Variants in SLC28A1 observed in about 807,000 individuals in gnomAD.
The protein encoded by SLC28A1 is solute carrier family 28 member 1.
SLC28A1 carries 64 observed loss-of-function variants against 74.8 expected under a neutral mutation model. The ratio of observed to expected loss-of-function variants is 0.86; its 90% CI spans 0.70 to 1.05. The LOEUF is 1.05. Among genes scored for constraint, SLC28A1 ranks in the 50% least tolerant of loss-of-function variants. The probability of loss-of-function intolerance (pLI) is 0.00; values close to 1 mark genes in which losing one functional copy is unlikely to be tolerated. For synonymous variants in SLC28A1, 359 were observed against 335.0 expected (o/e 1.07, Z -0.78); for missense variants, 828 against 822.8 (o/e 1.01, Z -0.08).
the SLC28A1 span, among the ~76,000 whole-genome samples, chr15:84,965,412 T>A: frequency 1.3e-5 from 2 of 152,116 alleles, no homozygotes; most frequent in Non-Finnish European, 2.9e-5. Context: ...TGCAAGGCAG[T>A]TTTTTGGTGG....
chr15:84,928,602 CTTT>C (rs374994469), intron 12 of SLC28A1, among the ~76,000 whole-genome samples: 19 of 8,254 alleles, frequency 2.3e-3, no homozygotes, highest in Admixed American at 5.5e-3. Context: ...TTCTTTCTTT[CTTT>C]TCTTTCTTTC....
the SLC28A1 span, among the ~76,000 whole-genome samples, chr15:84,966,902 C>T: frequency 6.6e-6 from 1 of 152,040 alleles, no homozygotes; most frequent in Admixed American, 6.5e-5. Flanking sequence ...CTCTTGAGCA[C>T]CTGGGACTAC....
chr15:84,890,090 C>T (rs1965191311), intron 4 of SLC28A1, among the ~76,000 whole-genome samples: 1 of 151,470 alleles, frequency 6.6e-6, no homozygotes, highest in South Asian at 2.1e-4. Flanking sequence ...GCTCCTGGGC[C>T]TCCCAAAGTG....
intron 12 of SLC28A1, among the ~76,000 whole-genome samples, chr15:84,931,764 G>T (rs1491003926): frequency 6.6e-6 from 1 of 151,880 alleles, no homozygotes; most frequent in Non-Finnish European, 1.5e-5. Flanking sequence ...AGCACTTTGG[G>T]AGGCCCAGGT....
At chr15:84,967,025 C>T in the SLC28A1 span, among the ~76,000 whole-genome samples, 1 of 152,132 alleles carries the variant, frequency 6.6e-6, no homozygotes, top group Non-Finnish European at 1.5e-5. Flanking sequence ...AAGTGATCCT[C>T]CTGCCTCAGC....
At chr15:84,899,120 A>G (rs1332638574) in intron 6 of SLC28A1, among the ~76,000 whole-genome samples, 2 of 152,166 alleles carry the variant, frequency 1.3e-5, no homozygotes, top group Non-Finnish European at 2.9e-5. Flanking sequence ...CTGACAGGTG[A>G]ATAAACCTCA....
intron 18 of SLC28A1, 61 bp downstream of exon 18, chr15:84,944,928 G>A (rs1450568187): frequency 2.9e-5 from 37 of 1,278,190 alleles, no homozygotes; most frequent in South Asian, 5.9e-5. Context: ...ATGCCTGAGC[G>A]CTGGGGGGGA....
chr15:84,908,958 A>T (rs1469195017), intron 9 of SLC28A1, among the ~76,000 whole-genome samples, 163 bp downstream of exon 9: 1 of 152,152 alleles, frequency 6.6e-6, no homozygotes, highest in Non-Finnish European at 1.5e-5. Flanking sequence ...GGGGCCCGGG[A>T]GGAGCCCAGC....
rs370097368 is a variant in SLC28A1, at chr15:84,933,269, C to G, written c.1208C>G (p.Thr403Ser). The change falls in exon 13 of 19, where the codon ACC (threonine) becomes AGC (serine). Residue 403 changes from threonine (T) to serine (S), a missense_variant. Thr to Ser is a moderately conservative substitution (Grantham distance 58). This residue lies in a region of SLC28A1 where 767 missense variants were observed against 753.5 expected (regional missense o/e 1.02). Coordinates refer to ENST00000394573, the MANE Select transcript of SLC28A1 (RefSeq NM_004213.5). ...AGGAGGGAGGAAGGAGTGAAACTGA[C>G]CTATGGGTGAGCACAGCAGGAGGTC... ...KFRREEGVKLTYGDAQNLIEA... is the reference protein window; with the variant it reads ...KFRREEGVKLSYGDAQNLIEA... 2 of 1,613,010 alleles carry G rather than the reference C, an allele frequency of 1.2e-6. No homozygotes were observed. The highest frequency in any genetic ancestry group is 1.3e-5 in the African/African-American group (1 of 74,966).
the SLC28A1 span, among the ~76,000 whole-genome samples, chr15:84,962,556 G>C: frequency 6.6e-6 from 1 of 152,130 alleles, no homozygotes; most frequent in South Asian, 2.1e-4. Flanking sequence ...TTCCACCTCA[G>C]CCTCTGGAGT....
chr15:84,894,544 CAT>C (rs1965729739), intron 5 of SLC28A1, among the ~76,000 whole-genome samples: 1 of 152,174 alleles, frequency 6.6e-6, no homozygotes, highest in Non-Finnish European at 1.5e-5. Flanking sequence ...TCCGAGCACA[CAT>C]GTGTAAACTC....
rs74504234 is a variant in SLC28A1, at chr15:84,915,771, G to A, written c.796-2753G>A. ...TTTCCATCCTGCCTCTCTTCTGGCCGTCCTCCAGCCCTTGGCTATTTCTTT... is the reference window on the plus strand; with the variant it reads ...TTTCCATCCTGCCTCTCTTCTGGCCATCCTCCAGCCCTTGGCTATTTCTTT... On this transcript the variant is annotated intron_variant, in intron 9 of 18. Coordinates refer to ENST00000394573, the MANE Select transcript of SLC28A1 (RefSeq NM_004213.5). 2.4e-3 allele frequency among the ~76,000 whole-genome samples: 362 copies of A among 152,112 alleles called. 4 individuals are homozygous for A. The highest frequency in any genetic ancestry group is 8.4e-3 in the African/African-American group (348 of 41,486).
chr15:84,885,995 C>A, intron 1 of SLC28A1: 2 of 287,058 alleles, frequency 7.0e-6, no homozygotes, highest in Non-Finnish European at 1.0e-5. Flanking sequence ...ATTTATGCAT[C>A]ATAGAGGATT....
At chr15:84,948,441 A>T (rs1179103102), downstream of SLC28A1, among the ~76,000 whole-genome samples, 1 of 152,112 alleles carries the variant, frequency 6.6e-6, no homozygotes, top group African/African-American at 2.4e-5. Context: ...CCCATGAGTG[A>T]TTTGCTATTG....
intron 15 of SLC28A1, 109 bp downstream of exon 15, chr15:84,935,627 G>A (rs1217910210): frequency 2.2e-6 from 2 of 912,006 alleles, no homozygotes; most frequent in Non-Finnish European, 3.5e-6. Context: ...GAGACACACT[G>A]AAGTGGTGCT....
At chr15:84,896,497 G>A (rs530579777) in intron 6 of SLC28A1, among the ~76,000 whole-genome samples, 19 of 152,280 alleles carry the variant, frequency 1.2e-4, no homozygotes, top group Middle Eastern at 6.8e-3. Context: ...GTGGAAATGC[G>A]AAACAGTGCA....
At chr15:84,924,656 C>T (rs1970262134) in intron 12 of SLC28A1, among the ~76,000 whole-genome samples, 1 of 152,226 alleles carries the variant, frequency 6.6e-6, no homozygotes, top group Non-Finnish European at 1.5e-5. Flanking sequence ...CACAATGCTA[C>T]TGCATGGTGG....
At chr15:84,948,146 C>G (rs2079296986), downstream of SLC28A1, among the ~76,000 whole-genome samples, 8 of 152,156 alleles carry the variant, frequency 5.3e-5, no homozygotes, top group Admixed American at 5.2e-4. Context: ...CTGCCCCTTT[C>G]TTCCCATGGC....
chr15:84,944,696 G>T, intron 17 of SLC28A1, 32 bp downstream of exon 17: 1 of 1,600,358 alleles, frequency 6.2e-7, no homozygotes, highest in South Asian at 1.1e-5. Flanking sequence ...TCAGAAGGTG[G>T]AACCCTGACT....
Sources: gnomAD v4.1 joint callset for allele counts (sites outside exome capture counted in the v4.1 genomes callset) on GRCh38, gnomAD v4.1.1 for gene constraint, gnomAD v4.1.1 regional missense constraint, MANE v1.5 for transcripts, NCBI Gene and HGNC (gene_info 2026-07-23, HGNC 2026-07-21) for gene names.